MSH3: variants seen among roughly 807,000 people sequenced by gnomAD.
MSH3 encodes the protein mutS homolog 3.
MSH3 carries 106 observed loss-of-function variants against 123.3 expected under a neutral mutation model. That is an observed-to-expected ratio of 0.86 (90% CI 0.73 to 1.01). MSH3 has a LOEUF of 1.01. Ranked by LOEUF, MSH3 falls within the 50% of genes least tolerant of loss-of-function variation. The pLI is 0.00. For synonymous variants in MSH3, 515 were observed against 481.4 expected, an observed-to-expected ratio of 1.07 and a Z score of -0.91; for missense variants, 1,459 against 1,347.6, an observed-to-expected ratio of 1.08 and a Z score of -1.29.
chr5:80,832,881 G>A (rs190731949), intron 20 of MSH3, among the ~76,000 whole-genome samples: 93 of 152,104 alleles, frequency 6.1e-4, no homozygotes, highest in Middle Eastern at 3.4e-3. Context: ...CCTAATTGCA[G>A]TATTTCTCCC....
At chr5:80,667,613 T>C (rs1749600259) in intron 3 of MSH3, among the ~76,000 whole-genome samples, 1 of 152,078 alleles carries the variant, frequency 6.6e-6, no homozygotes, top group South Asian at 2.1e-4. Context: ...GACCATGGGG[T>C]CTGGCCCCTG....
At chr5:80,839,717 A>G (rs958070414) in intron 20 of MSH3, among the ~76,000 whole-genome samples, 1 of 152,214 alleles carries the variant, frequency 6.6e-6, no homozygotes, top group African/African-American at 2.4e-5. Context: ...AGCCTTCTAT[A>G]TATATTTTTT....
At chr5:80,655,173 C>T (rs984844126) in intron 1 of MSH3, 3 of 450,376 alleles carry the variant, frequency 6.7e-6, no homozygotes, top group Non-Finnish European at 1.2e-5. Flanking sequence ...AGGAGATAGG[C>T]AAAGGTTATG....
At position 80,704,658 on chromosome 5, in the gene MSH3, CAG is replaced by C. The variant is rs1304683728; in HGVS notation, c.1341-20789_1341-20788del. Among the ~76,000 whole-genome samples the C allele has an allele frequency of 2.0e-4, 31 of 152,278 alleles. 1 individual carries two copies. Among genetic ancestry groups the C allele is most frequent in the African/African-American group, 6.3e-4 (26 of 41,560 alleles). ...ATAAGGTGGTGGTGATTTTGTTTTA[CAG>C]AGAGATTTTCACTTTGCAAACTTTT... On this transcript the variant is annotated intron_variant, in intron 8 of 23. Coordinates refer to ENST00000265081, the MANE Select transcript of MSH3 (RefSeq NM_002439.5).
At chr5:80,814,486 A>G (rs1398368432) in intron 20 of MSH3, among the ~76,000 whole-genome samples, 2 of 96 alleles carry the variant, frequency 0.021, no homozygotes, top group East Asian at 0.17. Context: ...TGGCCAGGCT[A>G]GTCTTGACTC....
chr5:80,784,778 T>C (rs1474174621), intron 17 of MSH3, among the ~76,000 whole-genome samples: 1 of 152,226 alleles, frequency 6.6e-6, no homozygotes, highest in Non-Finnish European at 1.5e-5. Flanking sequence ...GCACAGATTC[T>C]AACACTGTTG....
intron 9 of MSH3, among the ~76,000 whole-genome samples, chr5:80,728,079 A>C (rs1743336330): frequency 6.6e-6 from 1 of 152,212 alleles, no homozygotes; most frequent in African/African-American, 2.4e-5. Context: ...GTGAGCTCAG[A>C]AATAAAGAGG....
intron 20 of MSH3, among the ~76,000 whole-genome samples, chr5:80,827,076 T>G (rs1257631072): frequency 6.6e-6 from 1 of 152,234 alleles, no homozygotes; most frequent in Non-Finnish European, 1.5e-5. Flanking sequence ...TTTATTATCT[T>G]GATGAATATA....
At chr5:80,662,515 A>G (rs1749458246) in intron 2 of MSH3, among the ~76,000 whole-genome samples, 2 of 152,170 alleles carry the variant, frequency 1.3e-5, no homozygotes. Context: ...AATAAAATAT[A>G]GGGACAAATC....
At chr5:80,692,502 AGATAAACATGTATATGTT>A (rs1179279430) in intron 8 of MSH3, among the ~76,000 whole-genome samples, 39 of 105,992 alleles carry the variant, frequency 3.7e-4, no homozygotes, top group East Asian at 2.5e-3. Flanking sequence ...ATGTTTAGAT[AGATAAACATGTATATGTT>A]TAGATAGATA....
At chr5:80,682,047 C>T (rs1749980822) in intron 8 of MSH3, among the ~76,000 whole-genome samples, 1 of 151,898 alleles carries the variant, frequency 6.6e-6, no homozygotes, top group Admixed American at 6.6e-5. Flanking sequence ...TTTTTGTATC[C>T]TTTGATCATT....
At chr5:80,786,171 A>AT (rs560269824) in intron 17 of MSH3, among the ~76,000 whole-genome samples, 2 of 151,834 alleles carry the variant, frequency 1.3e-5, no homozygotes, top group African/African-American at 4.9e-5. Flanking sequence ...TAAAAAATAA[A>AT]TTAAAAAAAA....
chr5:80,720,328 C>T (rs1449414581), intron 8 of MSH3, among the ~76,000 whole-genome samples: 1 of 152,070 alleles, frequency 6.6e-6, no homozygotes, highest in African/African-American at 2.4e-5. Flanking sequence ...CTTTGCTTTG[C>T]CCTCTTTGCC....
chr5:80,865,225 T>C (rs1746079391), intron 22 of MSH3, among the ~76,000 whole-genome samples: 1 of 152,142 alleles, frequency 6.6e-6, no homozygotes, highest in Non-Finnish European at 1.5e-5. Flanking sequence ...GGCACTTAGG[T>C]TTTCCTCTTA....
At chr5:80,761,763 T>G in intron 13 of MSH3, 85 bp downstream of exon 13, 7 of 1,387,966 alleles carry the variant, frequency 5.0e-6, no homozygotes, top group Non-Finnish European at 7.1e-6. Flanking sequence ...TTGAGAGCTC[T>G]ATTATTATTT....
At chr5:80,839,010 C>T (rs909152691) in intron 20 of MSH3, among the ~76,000 whole-genome samples, 3 of 152,138 alleles carry the variant, frequency 2.0e-5, no homozygotes, top group African/African-American at 7.2e-5. Context: ...CTTCTAGTGA[C>T]AGTACTCAAT....
intron 8 of MSH3, among the ~76,000 whole-genome samples, chr5:80,681,281 A>T (rs1472066134): frequency 6.6e-6 from 1 of 152,178 alleles, no homozygotes; most frequent in Non-Finnish European, 1.5e-5. Context: ...AACTAAAAAA[A>T]TTAATAAAAT....
At chr5:80,766,489 C>G (rs573406185) in intron 13 of MSH3, among the ~76,000 whole-genome samples, 1 of 151,634 alleles carries the variant, frequency 6.6e-6, no homozygotes, top group Non-Finnish European at 1.5e-5. Context: ...GGATCACAGG[C>G]GAGCGCCACC....
intron 12 of MSH3, among the ~76,000 whole-genome samples, chr5:80,759,669 G>T (rs930334694): frequency 9.8e-5 from 15 of 152,296 alleles, no homozygotes; most frequent in Admixed American, 7.8e-4. Context: ...ACAGATTTGG[G>T]CTTTAGGAAA....
Sources: allele counts gnomAD v4.1 joint callset (sites outside exome capture counted in the v4.1 genomes callset), GRCh38; gene constraint gnomAD v4.1.1; transcripts MANE v1.5; gene names NCBI Gene and HGNC (gene_info 2026-07-23, HGNC 2026-07-21).